SCAF8: variants seen among roughly 807,000 people sequenced by gnomAD.
SCAF8 encodes SR-related and CTD-associated factor 8.
Under a neutral mutation model 140.5 loss-of-function variants are expected in SCAF8, and 23 were observed. That is an observed-to-expected ratio of 0.16 (90% confidence interval 0.12 to 0.23). The LOEUF is 0.23. Among genes scored for constraint, SCAF8 ranks in the 10% least tolerant of loss-of-function variants. The probability of loss-of-function intolerance (pLI) is 1.00; values close to 1 mark genes in which losing one functional copy is unlikely to be tolerated. For missense variants in SCAF8, 1,397 were observed against 1,555.7 expected (o/e 0.90, Z 1.72); for synonymous variants, 575 against 528.9 (o/e 1.09, Z -1.20).
Position 154,831,130 on chromosome 6 carries a change from C to A in SCAF8, c.2349C>A (p.Asn783Lys). 1 of 1,585,430 alleles carries A rather than the reference C, an allele frequency of 6.3e-7. No individual in the cohort carries two copies. Among genetic ancestry groups the A allele is most frequent in the Non-Finnish European group, 8.6e-7 (1 of 1,156,982 alleles). The change falls in exon 19 of 20, where the codon AAC (asparagine) becomes AAA (lysine). Residue 783 changes from asparagine to lysine, a missense_variant. Asn to Lys is a moderately conservative substitution (Grantham distance 94, BLOSUM62 0). Coordinates refer to ENST00000367178, the MANE Select transcript of SCAF8 (RefSeq NM_014892.5). Reference protein sequence around the residue: ...LIDHQISSGENTRSVIPNDIS... With the variant: ...LIDHQISSGEKTRSVIPNDIS... ...ACCACCAGATTTCTTCTGGTGAAAACACCAGATCAGGTAAATAATAATAAT... is the reference window on the plus strand; with the variant it reads ...ACCACCAGATTTCTTCTGGTGAAAAAACCAGATCAGGTAAATAATAATAAT...
intron 1 of SCAF8, among the ~76,000 whole-genome samples, chr6:154,742,214 GAA>G (rs1213137643): frequency 6.6e-6 from 1 of 152,068 alleles, no homozygotes; most frequent in East Asian, 1.9e-4. Context: ...GTTAATTGGA[GAA>G]AAAAGTTTTA....
intron 6 of SCAF8, among the ~76,000 whole-genome samples, chr6:154,799,577 T>C (rs1049711023): frequency 2.0e-5 from 3 of 151,370 alleles, no homozygotes; most frequent in African/African-American, 7.3e-5. Context: ...TATTATCCTT[T>C]GCTTTGCTTT....
At chr6:154,801,899 A>G in intron 6 of SCAF8, 72 bp from the exon 7 acceptor site, 2 of 980,150 alleles carry the variant, frequency 2.0e-6, no homozygotes, top group Non-Finnish European at 3.0e-6. Flanking sequence ...TTACTGACTA[A>G]AAGTTTTAGG....
intron 15 of SCAF8, among the ~76,000 whole-genome samples, chr6:154,821,617 G>C (rs1778424620): frequency 6.6e-6 from 1 of 152,178 alleles, no homozygotes; most frequent in African/African-American, 2.4e-5. Flanking sequence ...TGTGATATTC[G>C]AAAGGGTAAG....
chr6:154,742,360 C>T (rs1332632130), intron 1 of SCAF8, among the ~76,000 whole-genome samples: 1 of 152,054 alleles, frequency 6.6e-6, no homozygotes, highest in Non-Finnish European at 1.5e-5. Flanking sequence ...TAATAAAATA[C>T]ACCTTTTGAA....
chr6:154,753,332 T>TGGCGC (rs1457574664), intron 1 of SCAF8, among the ~76,000 whole-genome samples: 1 of 152,176 alleles, frequency 6.6e-6, no homozygotes, highest in Non-Finnish European at 1.5e-5. Context: ...CCAAGTGTGG[T>TGGCGC]GGCGCACACC....
chr6:154,808,452 T>C (rs1035053398), intron 10 of SCAF8, among the ~76,000 whole-genome samples: 1 of 115,148 alleles, frequency 8.7e-6, no homozygotes, highest in Non-Finnish European at 1.7e-5. Flanking sequence ...TGAGATTTGT[T>C]TTTGCGATTT....
intron 1 of SCAF8, among the ~76,000 whole-genome samples, chr6:154,771,630 A>C (rs1021675741): frequency 6.6e-6 from 1 of 152,208 alleles, no homozygotes; most frequent in Non-Finnish European, 1.5e-5. Context: ...TTTTAAGTGA[A>C]TTAATGCAGG....
chr6:154,751,910 A>G (rs1778847151), intron 1 of SCAF8, among the ~76,000 whole-genome samples: 1 of 152,304 alleles, frequency 6.6e-6, no homozygotes, highest in East Asian at 1.9e-4. Flanking sequence ...GAAGTATTGC[A>G]CAGAGCACCC....
At chr6:154,798,279 G>A (rs1029313086) in intron 6 of SCAF8, among the ~76,000 whole-genome samples, 2 of 151,436 alleles carry the variant, frequency 1.3e-5, no homozygotes, top group Non-Finnish European at 3.0e-5. Flanking sequence ...TTGAACAATT[G>A]GTTCAGGAAA....
At chr6:154,735,616 C>T (rs753242247) in intron 1 of SCAF8, among the ~76,000 whole-genome samples, 3 of 150,044 alleles carry the variant, frequency 2.0e-5, no homozygotes, top group South Asian at 4.2e-4. Flanking sequence ...CGGTTTCAAG[C>T]GATTCTTCTG....
chr6:154,753,550 A>G (rs954045392), intron 1 of SCAF8, among the ~76,000 whole-genome samples: 5 of 152,052 alleles, frequency 3.3e-5, no homozygotes, highest in African/African-American at 9.7e-5. Flanking sequence ...GAGGCAGGAG[A>G]ATCACTTGAA....
rs779990691 is a variant in SCAF8 at position 154,733,806 on chromosome 6, C to T, written c.-95C>T. 4.2e-6 allele frequency: 6 copies of T among 1,438,818 alleles called. No individual in the cohort carries two copies. The South Asian group carries it at 4.4e-5, about 11-fold the overall frequency. 89.1% of individuals were successfully genotyped at this position (1,438,818 alleles called of 1,614,324 possible). On this transcript the variant is annotated 5_prime_UTR_variant, in exon 1 of 20. Transcript: ENST00000367178. ...CGCTCTCCCGCCAGCGCCCCCTCCT[C>T]GCGGCCACGCAGCAGCCCGCGTCTC...
intron 1 of SCAF8, among the ~76,000 whole-genome samples, chr6:154,760,017 C>T (rs1779063203): frequency 6.6e-6 from 1 of 151,888 alleles, no homozygotes. Flanking sequence ...CTGGGCTGGG[C>T]ATAGTAGCTC....
chr6:154,776,859 C>T (rs1370793908), intron 2 of SCAF8, among the ~76,000 whole-genome samples: 1 of 152,110 alleles, frequency 6.6e-6, no homozygotes, highest in African/African-American at 2.4e-5. Context: ...AAGGGAATGT[C>T]CTTAAAAAGC....
chr6:154,765,459 T>A (rs72993419), intron 1 of SCAF8, among the ~76,000 whole-genome samples: 2,541 of 152,302 alleles, frequency 0.017, 27 homozygotes, highest in Non-Finnish European at 0.023. Context: ...ACAGCTTAGT[T>A]AACAAAATTA....
rs368767138 is a variant in SCAF8, at chr6:154,800,314, A to G, written c.607-1657A>G. On this transcript the variant is annotated intron_variant, in intron 6 of 19. Transcript: ENST00000367178. ...ATGTCTAGGTTGTAGATGGTGTTCA[A>G]TATGTTTTTGTGGAATGAATGAATG... is the stretch of plus-strand genomic sequence containing the variant. 4.4e-4 allele frequency among the ~76,000 whole-genome samples: 66 copies of G among 151,656 alleles called. 1 individual carries two copies. The highest frequency in any genetic ancestry group is 3.4e-3 in the Middle Eastern group (1 of 294).
chr6:154,778,670 A>C (rs1200838797), intron 3 of SCAF8, among the ~76,000 whole-genome samples: 7 of 152,100 alleles, frequency 4.6e-5, no homozygotes, highest in African/African-American at 1.7e-4. Context: ...AGGCTGAGGC[A>C]CAAGAATTGC....
At chr6:154,815,908 G>A in intron 13 of SCAF8, 92 bp downstream of exon 13, 1 of 665,792 alleles carries the variant, frequency 1.5e-6, no homozygotes, top group South Asian at 1.8e-5. Flanking sequence ...GCCCAGTAAT[G>A]TCTGCCTTAA....
Sources: gnomAD v4.1 joint callset for allele counts (sites outside exome capture counted in the v4.1 genomes callset) on GRCh38, gnomAD v4.1.1 for gene constraint, MANE v1.5 for transcripts, NCBI Gene and HGNC (gene_info 2026-07-23, HGNC 2026-07-21) for gene names.